Variants in CRADD observed in about 807,000 individuals in gnomAD.
The protein encoded by CRADD is death domain-containing protein CRADD.
In CRADD, 9 loss-of-function variants were observed where a neutral mutation model predicts 15.5. The ratio of observed to expected loss-of-function variants is 0.58; its 90% CI spans 0.35 to 1.01. The LOEUF is 1.01. Ranked by LOEUF, CRADD falls within the 50% of genes least tolerant of loss-of-function variation. The pLI is 0.02. For missense variants in CRADD, 227 were observed against 250.3 expected, an observed-to-expected ratio of 0.91 and a Z score of 0.63; for synonymous variants, 118 against 107.6, an observed-to-expected ratio of 1.10 and a Z score of -0.60.
intron 2 of CRADD, chr12:93,738,507 A>G (rs1592949313): frequency 1.3e-5 from 9 of 701,442 alleles, no homozygotes; most frequent in Admixed American, 6.0e-5. Context: ...CTGCAGCAAC[A>G]CTGACCAAAG....
At chr12:93,696,242 C>T (rs1157924685) in intron 2 of CRADD, among the ~76,000 whole-genome samples, 5 of 152,070 alleles carry the variant, frequency 3.3e-5, no homozygotes, top group Non-Finnish European at 5.9e-5. Context: ...GGGTATATAT[C>T]CAGAAGAAGT....
intron 2 of CRADD, among the ~76,000 whole-genome samples, chr12:93,745,214 T>C (rs1956732143): frequency 6.6e-6 from 1 of 152,208 alleles, no homozygotes; most frequent in Non-Finnish European, 1.5e-5. Flanking sequence ...TGGATCTCGA[T>C]TACTGTTTTC....
intron 2 of CRADD, among the ~76,000 whole-genome samples, chr12:93,683,488 G>T (rs1955365339): frequency 6.6e-6 from 1 of 152,224 alleles, no homozygotes; most frequent in Admixed American, 6.5e-5. Flanking sequence ...TGAGCCTGTT[G>T]GAATGGCTGT....
chr12:93,880,847 T>C (rs1481443192), intron 2 of CRADD, among the ~76,000 whole-genome samples: 1 of 152,246 alleles, frequency 6.6e-6, no homozygotes. Context: ...TAGTTGACCT[T>C]TGTTGATAAG....
At chr12:93,820,615 A>T (rs1186966410) in intron 2 of CRADD, among the ~76,000 whole-genome samples, 1 of 151,864 alleles carries the variant, frequency 6.6e-6, no homozygotes, top group Non-Finnish European at 1.5e-5. Flanking sequence ...CCAGGACTTT[A>T]TGCAGCCCAG....
rs544620355 is a variant in CRADD, at chr12:93,702,906, A to G, written c.298+23834A>G. Among the ~76,000 whole-genome samples the G allele has an allele frequency of 5.3e-5, 8 of 152,228 alleles. No individual in the cohort carries two copies. The East Asian group carries it at 1.2e-3, about 22-fold the overall frequency. On this transcript the variant is annotated intron_variant, in intron 2 of 2. Transcript: ENST00000332896. The stretch of plus-strand genomic sequence containing the variant: ...GGCCTTGGTTAAATTGGACAGAATC[A>G]CCTTTTTGGTAAATTCCCTTCCGAT...
At chr12:93,882,245 C>A (rs1593060169) in intron 2 of CRADD, among the ~76,000 whole-genome samples, 1 of 151,536 alleles carries the variant, frequency 6.6e-6, no homozygotes, top group Non-Finnish European at 1.5e-5. Flanking sequence ...CATGGTGAAA[C>A]CCTGTCTCTA....
intron 2 of CRADD, among the ~76,000 whole-genome samples, chr12:93,892,935 C>G (rs1023682799): frequency 6.6e-6 from 1 of 152,138 alleles, no homozygotes; most frequent in Non-Finnish European, 1.5e-5. Context: ...TGTCTTGTTT[C>G]CCAAAGCAAA....
intron 2 of CRADD, among the ~76,000 whole-genome samples, chr12:93,748,309 G>C (rs1162867227): frequency 6.6e-6 from 1 of 152,048 alleles, no homozygotes; most frequent in Non-Finnish European, 1.5e-5. Flanking sequence ...TTTTGGTTTT[G>C]TTTTATTTTA....
intron 2 of CRADD, among the ~76,000 whole-genome samples, chr12:93,880,866 T>C (rs967157644): frequency 6.6e-6 from 1 of 152,248 alleles, no homozygotes; most frequent in Non-Finnish European, 1.5e-5. Context: ...AGTTCCTTCC[T>C]CACTCTGGTT....
intron 2 of CRADD, among the ~76,000 whole-genome samples, chr12:93,855,908 C>T (rs1324445645): frequency 4.6e-5 from 7 of 152,230 alleles, no homozygotes; most frequent in Admixed American, 2.0e-4. Context: ...ATCTCCACCT[C>T]CCTGGTTCAA....
intron 2 of CRADD, among the ~76,000 whole-genome samples, chr12:93,835,765 C>T (rs1308801890): frequency 6.6e-6 from 1 of 152,146 alleles, no homozygotes; most frequent in East Asian, 1.9e-4. Flanking sequence ...TTTTCTTCCA[C>T]ATAATGCTCT....
At chr12:93,858,068 AC>A (rs1440386222) in intron 2 of CRADD, among the ~76,000 whole-genome samples, 1 of 152,004 alleles carries the variant, frequency 6.6e-6, no homozygotes, top group African/African-American at 2.4e-5. Context: ...GAGGGAGCAG[AC>A]CCTTTGGCTG....
rs1269208955 is a variant in CRADD, at chr12:93,850,611, CAT to C, written c.*341_*342del. 2 of 913,630 alleles carry C rather than the reference CAT, an allele frequency of 2.2e-6. No homozygotes were observed. Among genetic ancestry groups the C allele is most frequent in the African/African-American group, 3.6e-5 (2 of 55,792 alleles). 56.6% of individuals were successfully genotyped at this position (913,630 alleles called of 1,614,324 possible). A position where few individuals can be genotyped will look rare whatever the true frequency, so the allele number is the denominator to read the frequency against. ...TATATATATATCCATATATATATCT[CAT>C]GTCATCACATTACAGGCAGGTGTCT... On this transcript the variant is annotated 3_prime_UTR_variant, in exon 3 of 3. Coordinates refer to ENST00000332896, the MANE Select transcript of CRADD (RefSeq NM_003805.5). The surrounding 1 kb of genome is among the most constrained non-coding windows in gnomAD (Gnocchi z 4.0).
intron 2 of CRADD, among the ~76,000 whole-genome samples, chr12:93,712,904 A>G (rs899889202): frequency 6.6e-6 from 1 of 151,924 alleles, no homozygotes. Flanking sequence ...TTTTTTTTTC[A>G]GGTGACTACT....
chr12:93,767,992 CTT>C (rs1322663496), intron 2 of CRADD, among the ~76,000 whole-genome samples: 8 of 152,208 alleles, frequency 5.3e-5, no homozygotes, highest in Non-Finnish European at 1.2e-4. Flanking sequence ...TGGAAACACT[CTT>C]AAGGCTTAAT....
Position 93,750,577 on chromosome 12 carries a change from A to G in CRADD, c.298+71505A>G, listed in dbSNP as rs980180738. Among the ~76,000 whole-genome samples, 19 of 152,358 alleles carry G rather than the reference A, an allele frequency of 1.2e-4. 2 individuals are homozygous for G. The highest frequency in any genetic ancestry group is 1.0e-3 in the Admixed American group (16 of 15,306). On this transcript the variant is annotated intron_variant, in intron 2 of 2. Coordinates refer to ENST00000332896, the MANE Select transcript of CRADD (RefSeq NM_003805.5). ...ACATACAAAAAAACCTACATTTTGT[A>G]TGTAATTTAGAATCTTATTCCAGTA...
chr12:93,710,183 A>G (rs1261734056), intron 2 of CRADD, among the ~76,000 whole-genome samples: 1 of 152,140 alleles, frequency 6.6e-6, no homozygotes, highest in African/African-American at 2.4e-5. Flanking sequence ...AGAATGCCCA[A>G]GAAAGCTTTA....
At position 93,695,757 on chromosome 12, in the gene CRADD, G is replaced by C. The variant is rs1955689292; in HGVS notation, c.298+16685G>C. On this transcript the variant is annotated intron_variant, in intron 2 of 2. Coordinates refer to ENST00000332896, the MANE Select transcript of CRADD (RefSeq NM_003805.5). ...GTCTCTACTAATAATACAAAAATTA[G>C]TGGTGGCACTCGCCTGTATTCCCAG... 2.6e-5 allele frequency among the ~76,000 whole-genome samples: 4 copies of C among 152,272 alleles called. No homozygotes were observed. In the South Asian group the frequency reaches 8.3e-4, roughly 32 times the overall value.
Sources: gnomAD v4.1 joint callset for allele counts (sites outside exome capture counted in the v4.1 genomes callset) on GRCh38, gnomAD v4.1.1 for gene constraint, Gnocchi (gnomAD v3.1) non-coding constraint, MANE v1.5 for transcripts, NCBI Gene and HGNC (gene_info 2026-07-23, HGNC 2026-07-21) for gene names.